The following SLC24A3 variants were observed in gnomAD, a reference collection of about 807,000 sequenced individuals.
SLC24A3 encodes the protein sodium/potassium/calcium exchanger 3.
In SLC24A3, 28 loss-of-function variants were observed where a neutral mutation model predicts 75.8. That is an observed-to-expected ratio of 0.37 (90% CI 0.27 to 0.51). SLC24A3 has a LOEUF of 0.51. Ranked by LOEUF, SLC24A3 falls within the 20% of genes least tolerant of loss-of-function variation. The probability of loss-of-function intolerance (pLI) is 0.94; values close to 1 mark genes in which losing one functional copy is unlikely to be tolerated. For missense variants in SLC24A3, 663 were observed against 847.8 expected, an observed-to-expected ratio of 0.78 and a Z score of 2.71; for synonymous variants, 372 against 334.1, an observed-to-expected ratio of 1.11 and a Z score of -1.24.
intron 2 of SLC24A3, among the ~76,000 whole-genome samples, chr20:19,313,764 G>T (rs1327422838): frequency 2.0e-5 from 3 of 152,184 alleles, no homozygotes; most frequent in African/African-American, 7.2e-5. Flanking sequence ...TGGGGATCAC[G>T]GTGATATGGG....
At chr20:19,496,141 CG>C (rs1988283829) in intron 2 of SLC24A3, among the ~76,000 whole-genome samples, 1 of 152,176 alleles carries the variant, frequency 6.6e-6, no homozygotes, top group African/African-American at 2.4e-5. Context: ...ACTTTGGCCA[CG>C]GGTGGTTGTT....
At chr20:19,251,430 A>T (rs1295767832) in intron 1 of SLC24A3, among the ~76,000 whole-genome samples, 2 of 152,230 alleles carry the variant, frequency 1.3e-5, no homozygotes, top group Admixed American at 1.3e-4. Context: ...TTCCTCTAGA[A>T]GCACACACTC....
chr20:19,422,656 G>T (rs1002465002), intron 2 of SLC24A3, among the ~76,000 whole-genome samples: 1 of 152,222 alleles, frequency 6.6e-6, no homozygotes, highest in Non-Finnish European at 1.5e-5. Context: ...TAATTGGTCT[G>T]CAGTGAGTCC....
chr20:19,588,204 G>A (rs1202973079), intron 6 of SLC24A3, among the ~76,000 whole-genome samples: 14 of 152,210 alleles, frequency 9.2e-5, no homozygotes, highest in Non-Finnish European at 1.3e-4. Context: ...TCTCCCAGGC[G>A]GTGGAGTTGG....
At chr20:19,545,322 C>G (rs890394864) in intron 3 of SLC24A3, among the ~76,000 whole-genome samples, 10 of 152,188 alleles carry the variant, frequency 6.6e-5, no homozygotes, top group Non-Finnish European at 1.5e-4. Flanking sequence ...TCCCTATTTC[C>G]ATATGGATCT....
rs188551471 is a variant in SLC24A3, at chr20:19,292,505, C to G, written c.271+11418C>G. Among the ~76,000 whole-genome samples, 9 of 152,320 alleles carry G rather than the reference C, an allele frequency of 5.9e-5. No homozygotes were observed. The East Asian group carries it at 1.7e-3, about 29-fold the overall frequency. On this transcript the variant is annotated intron_variant, in intron 2 of 16. Transcript: ENST00000328041. ...CTGTCAGTATCAAGGTAAGCCTCCC[C>G]GTGGAGCTTTTTCTGGGGAACGGGA... is the stretch of plus-strand genomic sequence containing the variant.
chr20:19,516,996 C>G (rs1044047455), intron 3 of SLC24A3, among the ~76,000 whole-genome samples: 41 of 152,308 alleles, frequency 2.7e-4, no homozygotes, highest in African/African-American at 9.1e-4. Flanking sequence ...TAAAATCAAT[C>G]AACTCTTCAA....
Position 19,705,470 on chromosome 20 carries a change from G to A in SLC24A3, c.1719+6790G>A, listed in dbSNP as rs534155127. ...TTTGGAAAAATAATCCCAGGTTCAT[G>A]AAAAAGCAAATCTAGGGCTTATTTG... On this transcript the variant is annotated intron_variant, in intron 15 of 16. Transcript: ENST00000328041. 7.9e-5 allele frequency among the ~76,000 whole-genome samples: 12 copies of A among 152,302 alleles called. No individual in the cohort carries two copies. The South Asian group carries it at 2.3e-3, about 29-fold the overall frequency.
At chr20:19,628,395 T>C (rs973858718) in intron 6 of SLC24A3, among the ~76,000 whole-genome samples, 2 of 152,022 alleles carry the variant, frequency 1.3e-5, no homozygotes, top group African/African-American at 4.8e-5. Flanking sequence ...ACATTGCCTT[T>C]GTGAGAACAT....
intron 2 of SLC24A3, among the ~76,000 whole-genome samples, chr20:19,454,269 C>T (rs1987541468): frequency 6.6e-6 from 1 of 152,174 alleles, no homozygotes. Context: ...GTTGTGTTCC[C>T]CAACCTCTAA....
intron 2 of SLC24A3, among the ~76,000 whole-genome samples, chr20:19,391,623 A>G (rs1413473046): frequency 1.3e-5 from 2 of 152,190 alleles, no homozygotes; most frequent in Admixed American, 6.5e-5. Context: ...ACTAGCCTCC[A>G]GGGAATTTGG....
At chr20:19,623,153 C>CA (rs1168891334) in intron 6 of SLC24A3, among the ~76,000 whole-genome samples, 2 of 151,912 alleles carry the variant, frequency 1.3e-5, no homozygotes, top group Non-Finnish European at 2.9e-5. Flanking sequence ...ATTTTTTAAA[C>CA]AAAAAAAGCT....
intron 6 of SLC24A3, among the ~76,000 whole-genome samples, chr20:19,614,919 G>T (rs921156760): frequency 6.6e-6 from 1 of 152,232 alleles, no homozygotes; most frequent in Non-Finnish European, 1.5e-5. Context: ...ACGTGTGTGT[G>T]TGGGTATGTG....
chr20:19,586,530 C>T (rs1421604831), intron 6 of SLC24A3, among the ~76,000 whole-genome samples: 1 of 152,176 alleles, frequency 6.6e-6, no homozygotes, highest in Non-Finnish European at 1.5e-5. Flanking sequence ...CAGCCTTCCC[C>T]CTACCCTTTG....
At chr20:19,296,469 T>C (rs1438562725) in intron 2 of SLC24A3, among the ~76,000 whole-genome samples, 1 of 152,080 alleles carries the variant, frequency 6.6e-6, no homozygotes, top group Non-Finnish European at 1.5e-5. Flanking sequence ...CTTTCTAGCT[T>C]TTCGATATGG....
intron 6 of SLC24A3, among the ~76,000 whole-genome samples, chr20:19,653,474 A>C (rs1010790694): frequency 2.0e-5 from 3 of 152,262 alleles, no homozygotes; most frequent in African/African-American, 7.2e-5. Flanking sequence ...AAGGTCTGGC[A>C]GAGACAGGCT....
chr20:19,431,563 C>T (rs976135029), intron 2 of SLC24A3, among the ~76,000 whole-genome samples: 2 of 151,988 alleles, frequency 1.3e-5, no homozygotes, highest in African/African-American at 4.8e-5. Flanking sequence ...CAGATAAGCA[C>T]CCAGAGCCTC....
intron 7 of SLC24A3, among the ~76,000 whole-genome samples, chr20:19,664,842 T>C (rs1164270522): frequency 6.6e-6 from 1 of 152,206 alleles, no homozygotes; most frequent in Non-Finnish European, 1.5e-5. Flanking sequence ...ATAGGTGTAC[T>C]CATTTGGTTT....
chr20:19,542,107 G>A (rs139225329), intron 3 of SLC24A3, among the ~76,000 whole-genome samples: 4,952 of 152,264 alleles, frequency 0.033, 133 homozygotes, highest in Non-Finnish European at 0.045. Flanking sequence ...AGAGATAGCA[G>A]GTGGAGCAGT....
Sources: allele counts gnomAD v4.1 joint callset (sites outside exome capture counted in the v4.1 genomes callset), GRCh38; gene constraint gnomAD v4.1.1; transcripts MANE v1.5; gene names NCBI Gene and HGNC (gene_info 2026-07-23, HGNC 2026-07-21).